The following PCDHGA11 variants were observed in gnomAD, a reference collection of about 807,000 sequenced individuals.
The protein encoded by PCDHGA11 is protocadherin gamma subfamily A, 11, also known as protocadherin gamma-A11.
In PCDHGA11, 39 loss-of-function variants were observed where a neutral mutation model predicts 60.4. The ratio of observed to expected loss-of-function variants is 0.65; its 90% confidence interval spans 0.50 to 0.84. The LOEUF (loss-of-function observed/expected upper bound fraction) is 0.84. Ranked by LOEUF, PCDHGA11 falls within the 40% of genes least tolerant of loss-of-function variation. The probability of loss-of-function intolerance (pLI) is 0.00; values close to 1 mark genes in which losing one functional copy is unlikely to be tolerated. For missense variants in PCDHGA11, 1,165 were observed against 1,197.7 expected (o/e 0.97, Z 0.40); for synonymous variants, 533 against 510.3 (o/e 1.04, Z -0.60).
intron 3 of PCDHGA11, 89 bp downstream of exon 3, chr5:141,505,570 C>G: frequency 6.3e-7 from 1 of 1,598,162 alleles, no homozygotes; most frequent in Admixed American, 1.7e-5. Context: ...GACTGGATGT[C>G]AAACCTGTGT....
In PCDHGA11 at chr5:141,489,906, C is replaced by T. The variant is rs550717535; in HGVS notation, c.2434-4901C>T. On this transcript the variant is annotated intron_variant, in intron 1 of 3. Transcript: ENST00000398587. The surrounding 1 kb of genome is among the most constrained non-coding windows in gnomAD (Gnocchi z 4.5). ...CTGTGGATGGGGGGACCCCAGCCCG[C>T]TCAGGGACCACCCTTATCTCTGTCA... 4.5e-5 allele frequency: 72 copies of T among 1,614,234 alleles called. No individual in the cohort carries two copies. In the African/African-American group the frequency reaches 5.6e-4, roughly 13 times the overall value.
rs756423770 is a variant in PCDHGA11 at position 141,430,950 on chromosome 5, T to G, written c.2433+7290T>G. 8 of 1,609,862 alleles carry G rather than the reference T, an allele frequency of 5.0e-6. No individual in the cohort carries two copies. The East Asian group carries it at 1.6e-4, about 31-fold the overall frequency. On this transcript the variant is annotated intron_variant, in intron 1 of 3. Coordinates refer to ENST00000398587, the MANE Select transcript of PCDHGA11 (RefSeq NM_018914.3). ...CCCCGGGAGCTCGCGGAGCGCGGAG[T>G]CCGCATCATCCCCAGAGGTAGGACG...
At chr5:141,509,136 C>T (rs1217992935) in intron 3 of PCDHGA11, among the ~76,000 whole-genome samples, 1 of 152,142 alleles carries the variant, frequency 6.6e-6, no homozygotes, top group Non-Finnish European at 1.5e-5. Context: ...AAAACCGAGG[C>T]GCATCCCGGC....
rs557973676 is a variant in PCDHGA11, at chr5:141,429,315, T to C, written c.2433+5655T>C. 9.2e-5 allele frequency among the ~76,000 whole-genome samples: 14 copies of C among 152,298 alleles called. No individual in the cohort carries two copies. In the South Asian group the frequency reaches 2.9e-3, roughly 32 times the overall value. ...ACATCAATATTTGAGTATATAAGGC[T>C]TTTTCTTTAATCCATTAACTATAAA... On this transcript the variant is annotated intron_variant, in intron 1 of 3. Transcript: ENST00000398587.
At chr5:141,429,735 T>C (rs911956546) in intron 1 of PCDHGA11, among the ~76,000 whole-genome samples, 1 of 152,202 alleles carries the variant, frequency 6.6e-6, no homozygotes. Flanking sequence ...ACGTAGCCAG[T>C]TATTTCTTAG....
At position 141,422,188 on chromosome 5, in the gene PCDHGA11, C is replaced by T; in HGVS notation, c.961C>T (p.Gln321Ter). 6.4e-7 allele frequency: 1 copy of T among 1,561,742 alleles called. No individual in the cohort carries two copies. The change falls in exon 1 of 4, where the codon CAA (glutamine) becomes TAA (stop). Residue 321 changes from glutamine to a stop codon, truncating the protein, a stop_gained. Coordinates refer to ENST00000398587, the MANE Select transcript of PCDHGA11 (RefSeq NM_018914.3). LOFTEE classifies it high-confidence loss of function. The part of the protein sequence containing the change: ...EKYRFYEMEI[Q>*]GQDGGGLFTT... ...ATATAGATTCTATGAGATGGAAATTCAAGGCCAAGATGGTGGAGGTCTCTT... is the reference window on the plus strand; with the variant it reads ...ATATAGATTCTATGAGATGGAAATTTAAGGCCAAGATGGTGGAGGTCTCTT...
At chr5:141,435,413 A>G (rs1422263053) in intron 1 of PCDHGA11, among the ~76,000 whole-genome samples, 1 of 152,122 alleles carries the variant, frequency 6.6e-6, no homozygotes, top group Admixed American at 6.5e-5. Flanking sequence ...GGTAAAGACT[A>G]TTTTTCACTT....
intron 1 of PCDHGA11, among the ~76,000 whole-genome samples, chr5:141,443,858 T>C (rs1325927807): frequency 6.6e-6 from 1 of 152,162 alleles, no homozygotes; most frequent in Non-Finnish European, 1.5e-5. Context: ...GTCTGAAAAC[T>C]GAAAAAATTA....
chr5:141,446,854 C>T (rs1474444931), intron 1 of PCDHGA11, among the ~76,000 whole-genome samples: 1 of 152,134 alleles, frequency 6.6e-6, no homozygotes, highest in Non-Finnish European at 1.5e-5. Context: ...AATAAGCTTC[C>T]TGATAGCTCT....
In PCDHGA11 at chr5:141,423,619, T is replaced by C. The variant is rs1389600826; in HGVS notation, c.2392T>C (p.Ser798Pro). 6.2e-7 allele frequency: 1 copy of C among 1,608,090 alleles called. No homozygotes were observed. Residue 798 changes from serine to proline, a missense_variant, in exon 1 of 4, where the codon TCA becomes CCA. Coordinates refer to ENST00000398587, the MANE Select transcript of PCDHGA11 (RefSeq NM_018914.3). Reference sequence around the variant, plus strand: ...CGAGCCACTCTTGATAGCTGAAGACTCAGCTATCATTTTAGGCAAATGTGA... The same window carrying C: ...CGAGCCACTCTTGATAGCTGAAGACCCAGCTATCATTTTAGGCAAATGTGA... ...KSEPLLIAED[S>P]AIILGKCDPT... is the part of the protein sequence containing the mutation.
At chr5:141,454,311 T>G (rs755771201) in intron 1 of PCDHGA11, among the ~76,000 whole-genome samples, 6 of 152,216 alleles carry the variant, frequency 3.9e-5, no homozygotes, top group Admixed American at 2.6e-4. Context: ...TTTCAAAGCA[T>G]TGAAACCTCC....
At chr5:141,480,584 G>A (rs1421730652) in intron 1 of PCDHGA11, among the ~76,000 whole-genome samples, 1 of 134,606 alleles carries the variant, frequency 7.4e-6, no homozygotes, top group Non-Finnish European at 1.6e-5. Context: ...AATAACTGCC[G>A]CTCTTCTGGT....
chr5:141,423,486 C>G lies in PCDHGA11; in HGVS notation c.2259C>G (p.Thr753=). ...ACGGGGTACAGGCTTTCCTGCAAAC[C>G]TATTCCCACGAGGTCTCTCTCATTG... ...GVDGVQAFLQ[T]YSHEVSLIAD... The change falls in exon 1 of 4, where the codon ACC becomes ACG. Residue 753 remains threonine (T), a synonymous_variant. Coordinates refer to ENST00000398587, the MANE Select transcript of PCDHGA11 (RefSeq NM_018914.3). 1 of 1,613,952 alleles carries G rather than the reference C, an allele frequency of 6.2e-7. No homozygotes were observed. The highest frequency in any genetic ancestry group is 8.5e-7 in the Non-Finnish European group (1 of 1,179,916).
chr5:141,462,811 T>C (rs893444929), intron 1 of PCDHGA11, among the ~76,000 whole-genome samples: 1 of 152,206 alleles, frequency 6.6e-6, no homozygotes, highest in Non-Finnish European at 1.5e-5. Context: ...ATAATGTTTT[T>C]ATTGGACAGC....
intron 2 of PCDHGA11, among the ~76,000 whole-genome samples, chr5:141,495,587 C>T (rs1391263118): frequency 6.6e-6 from 1 of 152,238 alleles, no homozygotes. Context: ...TTCTCCATCT[C>T]TGTCTTAGCT....
chr5:141,481,970 A>G (rs2099549884), intron 1 of PCDHGA11, among the ~76,000 whole-genome samples: 1 of 151,510 alleles, frequency 6.6e-6, no homozygotes, highest in Non-Finnish European at 1.5e-5. Flanking sequence ...CTGTAGTCAC[A>G]GCTACTTGGG....
intron 2 of PCDHGA11, among the ~76,000 whole-genome samples, chr5:141,498,543 C>T (rs2099784198): frequency 6.6e-6 from 1 of 151,870 alleles, no homozygotes; most frequent in South Asian, 2.1e-4. Flanking sequence ...CTGGTCTGGT[C>T]AGACACACCA....
At chr5:141,435,877 G>A (rs1554127514) in intron 1 of PCDHGA11, among the ~76,000 whole-genome samples, 1 of 152,092 alleles carries the variant, frequency 6.6e-6, no homozygotes, top group Non-Finnish European at 1.5e-5. Flanking sequence ...AAAAGAGATT[G>A]GAAACCCCTT....
rs549047197 is a variant in PCDHGA11, at chr5:141,502,866, C to CTTTTTTTTTTTTTTT, written c.2493-2513_2493-2512insTTTTTTTTTTTTTTT. Reference sequence around the variant, plus strand: ...GAGCTGCCTAACCCTGACTCTCTGTCTTTTTTTTTTTTTTGACAGGGAGTC... The same window carrying CTTTTTTTTTTTTTTT: ...GAGCTGCCTAACCCTGACTCTCTGTCTTTTTTTTTTTTTTTTTTTTTTTTTTTTTGACAGGGAGTC... On this transcript the variant is annotated intron_variant, in intron 2 of 3. Coordinates refer to ENST00000398587, the MANE Select transcript of PCDHGA11 (RefSeq NM_018914.3). 1.1e-4 allele frequency among the ~76,000 whole-genome samples: 14 copies of CTTTTTTTTTTTTTTT among 128,026 alleles called. 3 individuals are homozygous for CTTTTTTTTTTTTTTT. Among genetic ancestry groups the CTTTTTTTTTTTTTTT allele is most frequent in the Admixed American group, 1.7e-4 (2 of 11,664 alleles). The allele number at this position is 128,026 out of a possible 152,430, so 84.0% of individuals were successfully genotyped here.
Sources: allele counts gnomAD v4.1 joint callset (sites outside exome capture counted in the v4.1 genomes callset), GRCh38; gene constraint gnomAD v4.1.1; non-coding constraint Gnocchi (gnomAD v3.1); transcripts MANE v1.5; gene names NCBI Gene and HGNC (gene_info 2026-07-23, HGNC 2026-07-21).